SRGAP1: variants seen among roughly 807,000 people sequenced by gnomAD.
SRGAP1 encodes the protein SLIT-ROBO Rho GTPase activating protein 1.
A neutral mutation model predicts 121.9 loss-of-function variants in SRGAP1; 43 were observed. That is an observed-to-expected ratio of 0.35 (90% CI 0.28 to 0.46). SRGAP1 has a LOEUF of 0.46. Among genes scored for constraint, SRGAP1 ranks in the 20% least tolerant of loss-of-function variants. The pLI, the probability that SRGAP1 is intolerant of heterozygous loss-of-function variation, is 1.00. For missense variants in SRGAP1, 1,102 were observed against 1,350.9 expected (o/e 0.82, Z 2.89); for synonymous variants, 447 against 485.4 (o/e 0.92, Z 1.04).
At chr12:63,933,227 T>TATAATA (rs911129538) in intron 1 of SRGAP1, among the ~76,000 whole-genome samples, 1 of 151,464 alleles carries the variant, frequency 6.6e-6, no homozygotes, top group African/African-American at 2.4e-5. Flanking sequence ...AAACTTTAAG[T>TATAATA]ATAATAATAA....
chr12:63,854,342 G>A (rs1899167987), intron 1 of SRGAP1, among the ~76,000 whole-genome samples: 1 of 152,110 alleles, frequency 6.6e-6, no homozygotes, highest in Non-Finnish European at 1.5e-5. Flanking sequence ...TAATATTGAT[G>A]AATTGGTGTA....
At position 64,157,805 on chromosome 12, in the gene SRGAP1, C is replaced by A. The variant is rs2037175684; in HGVS notation, c.*15133C>A. 1 of 151,960 alleles carries A rather than the reference C, an allele frequency of 6.6e-6. No individual in the cohort carries two copies. The allele number at this position is 151,960 out of a possible 1,614,324, so 9.4% of individuals were successfully genotyped here. A position where few individuals can be genotyped will look rare whatever the true frequency, so the allele number is the denominator to read the frequency against. ...ATGCTAGCTGCTGTAACAAACAACC[C>A]CCCAAACTCAGTAACACAATCAAGC... On this transcript the variant is annotated 3_prime_UTR_variant, in exon 22 of 22. Transcript: ENST00000355086.
chr12:63,962,501 G>A (rs1450944015), intron 1 of SRGAP1, among the ~76,000 whole-genome samples: 2 of 152,056 alleles, frequency 1.3e-5, no homozygotes, highest in Non-Finnish European at 2.9e-5. Context: ...TCTGCCTCCC[G>A]GGTTCAAGCA....
intron 3 of SRGAP1, 148 bp from the exon 4 acceptor site, chr12:64,016,802 A>G: frequency 1.9e-6 from 1 of 513,656 alleles, no homozygotes; most frequent in Non-Finnish European, 3.4e-6. Context: ...CAATGTCTAG[A>G]GTTTACAAAG....
At chr12:64,042,177 A>G (rs1049656163) in intron 4 of SRGAP1, among the ~76,000 whole-genome samples, 5 of 152,058 alleles carry the variant, frequency 3.3e-5, no homozygotes, top group Non-Finnish European at 7.4e-5. Context: ...GATTACAGGC[A>G]TGAGCCAGCA....
chr12:63,928,978 T>A (rs769460873), intron 1 of SRGAP1, among the ~76,000 whole-genome samples: 3 of 152,112 alleles, frequency 2.0e-5, no homozygotes, highest in Non-Finnish European at 4.4e-5. Context: ...TAAATACAGA[T>A]GAAGCTTCCC....
chr12:64,110,722 T>C (rs141414081), intron 16 of SRGAP1, among the ~76,000 whole-genome samples: 70 of 152,316 alleles, frequency 4.6e-4, no homozygotes, highest in Non-Finnish European at 3.5e-4. Context: ...TTTACTGTTA[T>C]TGTGATTTTT....
intron 1 of SRGAP1, among the ~76,000 whole-genome samples, chr12:63,894,864 T>C (rs1043235557): frequency 1.3e-5 from 2 of 152,216 alleles, no homozygotes; most frequent in Admixed American, 1.3e-4. Flanking sequence ...CTTAATCCAG[T>C]CTATCATTGA....
chr12:64,111,719 T>TC (rs1491094623), intron 16 of SRGAP1, 43 bp from the exon 17 acceptor site: 26 of 1,501,734 alleles, frequency 1.7e-5, no homozygotes, highest in Non-Finnish European at 2.4e-5. Flanking sequence ...ATCCTTTTTT[T>TC]CTCTTTGTTC....
At chr12:64,103,094 C>A (rs1023005061) in intron 15 of SRGAP1, among the ~76,000 whole-genome samples, 1 of 152,166 alleles carries the variant, frequency 6.6e-6, no homozygotes, top group African/African-American at 2.4e-5. Flanking sequence ...ATCCTCCCCC[C>A]TCAGCCTCCC....
At chr12:64,135,118 T>G (rs1400681135) in intron 21 of SRGAP1, among the ~76,000 whole-genome samples, 2 of 152,162 alleles carry the variant, frequency 1.3e-5, no homozygotes, top group African/African-American at 4.8e-5. Flanking sequence ...TTGCCGCTAC[T>G]GGGGATAGGG....
At chr12:63,979,103 G>A (rs1302925934) in intron 1 of SRGAP1, among the ~76,000 whole-genome samples, 1 of 130,060 alleles carries the variant, frequency 7.7e-6, no homozygotes, top group Non-Finnish European at 1.5e-5. Flanking sequence ...GCAGTGGCAC[G>A]ATCTTGGCTT....
At chr12:63,845,670 T>C (rs1898879680) in intron 1 of SRGAP1, among the ~76,000 whole-genome samples, 1 of 152,190 alleles carries the variant, frequency 6.6e-6, no homozygotes, top group Non-Finnish European at 1.5e-5. Context: ...TAAAAATATA[T>C]ATATTTTCTC....
intron 21 of SRGAP1, among the ~76,000 whole-genome samples, chr12:64,141,025 A>G (rs1157006201): frequency 7.9e-6 from 1 of 127,356 alleles, no homozygotes; most frequent in Non-Finnish European, 1.6e-5. Flanking sequence ...CGCAAGAACA[A>G]AAAACCAAAC....
rs1336292063 is a variant in SRGAP1 at position 64,091,394 on chromosome 12, A to C, written c.1539+16A>C. On this transcript the variant is annotated intron_variant, in intron 12 of 21. Coordinates refer to ENST00000355086, the MANE Select transcript of SRGAP1 (RefSeq NM_020762.4). ...ATTCGTCAAGGTACTGGCACCAGCCATCTGGGTGGCTGATCTCCATGCTTC... is the reference window on the plus strand; with the variant it reads ...ATTCGTCAAGGTACTGGCACCAGCCCTCTGGGTGGCTGATCTCCATGCTTC... 1.9e-6 allele frequency: 3 copies of C among 1,582,268 alleles called. No homozygotes were observed. In the African/African-American group the frequency reaches 4.0e-5, roughly 21 times the overall value.
At chr12:63,990,909 C>G (rs113206746) in intron 3 of SRGAP1, among the ~76,000 whole-genome samples, 5 of 152,308 alleles carry the variant, frequency 3.3e-5, no homozygotes, top group African/African-American at 1.2e-4. Context: ...GAAAATTTCA[C>G]AGGGCACAGA....
chr12:63,849,427 C>T (rs1316210974), intron 1 of SRGAP1, among the ~76,000 whole-genome samples: 1 of 152,168 alleles, frequency 6.6e-6, no homozygotes, highest in Non-Finnish European at 1.5e-5. Context: ...TTTAATAATG[C>T]ATGTTGCTAG....
Position 64,147,322 on chromosome 12 carries a change from G to A in SRGAP1, c.*4650G>A, listed in dbSNP as rs764725700. 2.5e-6 allele frequency: 1 copy of A among 395,498 alleles called. No individual in the cohort carries two copies. Among genetic ancestry groups the A allele is most frequent in the Non-Finnish European group, 4.4e-6 (1 of 224,720 alleles). The allele number at this position is 395,498 out of a possible 1,614,324, so 24.5% of individuals were successfully genotyped here. ...GCCTTTCTATTTTAGAGGAGTTTTA[G>A]CCTTGCTCTTGTACCGTTGCCCCGC... On this transcript the variant is annotated 3_prime_UTR_variant, in exon 22 of 22. Transcript: ENST00000355086.
chr12:64,084,545 C>G (rs1308300592), intron 10 of SRGAP1, among the ~76,000 whole-genome samples: 1 of 151,904 alleles, frequency 6.6e-6, no homozygotes, highest in Non-Finnish European at 1.5e-5. Context: ...ACACTCAGGA[C>G]TATTAGCTGA....
Sources: gnomAD v4.1 joint callset for allele counts (sites outside exome capture counted in the v4.1 genomes callset) on GRCh38, gnomAD v4.1.1 for gene constraint, MANE v1.5 for transcripts, NCBI Gene and HGNC (gene_info 2026-07-23, HGNC 2026-07-21) for gene names.